DLC1: variants seen among roughly 807,000 people sequenced by gnomAD.
DLC1 encodes rho GTPase-activating protein 7.
DLC1 carries 54 observed loss-of-function variants against 140.3 expected under a neutral mutation model. The ratio of observed to expected loss-of-function variants is 0.38; its 90% CI spans 0.31 to 0.48. The LOEUF (loss-of-function observed/expected upper bound fraction) is 0.48, where lower values mean the gene tolerates loss of function less well. Among genes scored for constraint, DLC1 ranks in the 20% least tolerant of loss-of-function variants. The pLI is 0.96. For synonymous variants in DLC1, 986 were observed against 728.1 expected (o/e 1.35, Z -5.70); for missense variants, 2,536 against 1,907.0 (o/e 1.33, Z -6.14).
chr8:13,231,559 A>G (rs1029992277), intron 5 of DLC1, among the ~76,000 whole-genome samples: 2 of 152,240 alleles, frequency 1.3e-5, no homozygotes, highest in African/African-American at 2.4e-5. Flanking sequence ...ACAGACAAGC[A>G]AAGAGTTGAA....
At chr8:13,407,129 C>T (rs184803379) in intron 2 of DLC1, among the ~76,000 whole-genome samples, 35 of 152,270 alleles carry the variant, frequency 2.3e-4, no homozygotes, top group Non-Finnish European at 5.9e-5. Flanking sequence ...GATTTACTGT[C>T]AGAAACCTAA....
At chr8:13,162,181 A>G (rs1402373450) in intron 5 of DLC1, among the ~76,000 whole-genome samples, 1 of 152,226 alleles carries the variant, frequency 6.6e-6, no homozygotes, top group East Asian at 1.9e-4. Context: ...TAAGAGAAAC[A>G]TAAGAGGAGA....
chr8:13,317,374 C>G (rs930056037), intron 4 of DLC1, among the ~76,000 whole-genome samples: 1 of 152,118 alleles, frequency 6.6e-6, no homozygotes, highest in Non-Finnish European at 1.5e-5. Flanking sequence ...AAAGCATAGA[C>G]TTTATAGACA....
At chr8:13,373,012 T>C (rs1399662996) in intron 4 of DLC1, among the ~76,000 whole-genome samples, 1 of 152,016 alleles carries the variant, frequency 6.6e-6, no homozygotes, top group African/African-American at 2.4e-5. Flanking sequence ...CAAATTACAA[T>C]TTATTTTTAT....
intron 5 of DLC1, among the ~76,000 whole-genome samples, chr8:13,156,286 C>T (rs1011776848): frequency 1.3e-5 from 2 of 152,222 alleles, no homozygotes; most frequent in Admixed American, 6.5e-5. Context: ...AAATGTCATC[C>T]CGTAGGATCC....
intron 5 of DLC1, among the ~76,000 whole-genome samples, chr8:13,238,848 C>T (rs551590295): frequency 5.9e-5 from 9 of 152,204 alleles, no homozygotes; most frequent in Non-Finnish European, 1.2e-4. Flanking sequence ...CCAGGAGGGG[C>T]GTGGGCTTAC....
intron 4 of DLC1, among the ~76,000 whole-genome samples, chr8:13,384,623 C>T (rs913291566): frequency 4.7e-5 from 7 of 148,962 alleles, no homozygotes; most frequent in African/African-American, 1.2e-4. Context: ...AAAATAATGT[C>T]CAATGATCTA....
At chr8:13,441,656 C>T (rs577602316) in intron 2 of DLC1, among the ~76,000 whole-genome samples, 3,960 of 152,006 alleles carry the variant, frequency 0.026, 49 homozygotes, top group Middle Eastern at 0.044. Flanking sequence ...TTACAAGGGA[C>T]GTGAAGGACC....
chr8:13,233,605 G>C (rs577328956), intron 5 of DLC1, among the ~76,000 whole-genome samples: 1 of 152,238 alleles, frequency 6.6e-6, no homozygotes, highest in South Asian at 2.1e-4. Context: ...GTACTCCAGA[G>C]AAATTTCAAA....
At chr8:13,118,054 G>C (rs1820726379) in intron 5 of DLC1, among the ~76,000 whole-genome samples, 1 of 141,114 alleles carries the variant, frequency 7.1e-6, no homozygotes, top group South Asian at 2.2e-4. Context: ...CAGTCACCTA[G>C]GCTAAAGGGC....
intron 3 of DLC1, among the ~76,000 whole-genome samples, chr8:13,395,096 C>A (rs1302492025): frequency 2.0e-5 from 3 of 147,944 alleles, no homozygotes; most frequent in East Asian, 2.0e-4. Context: ...CCTTCCTATC[C>A]ATCTATGCAT....
intron 2 of DLC1, among the ~76,000 whole-genome samples, chr8:13,478,881 A>C (rs1800557197): frequency 6.6e-6 from 1 of 152,212 alleles, no homozygotes; most frequent in Non-Finnish European, 1.5e-5. Flanking sequence ...AAATAAGCAG[A>C]TGCTCCCACA....
At chr8:13,329,101 GC>G (rs1271980054) in intron 4 of DLC1, among the ~76,000 whole-genome samples, 1 of 152,128 alleles carries the variant, frequency 6.6e-6, no homozygotes, top group Non-Finnish European at 1.5e-5. Context: ...TATCACAGGA[GC>G]ATCAACTCAG....
At chr8:13,508,882 T>G (rs930941953) in intron 1 of DLC1, among the ~76,000 whole-genome samples, 1 of 152,220 alleles carries the variant, frequency 6.6e-6, no homozygotes, top group Non-Finnish European at 1.5e-5. Context: ...AATTCATTAA[T>G]GAATAATTAT....
At chr8:13,189,501 A>G (rs1255586789) in intron 5 of DLC1, among the ~76,000 whole-genome samples, 2 of 152,124 alleles carry the variant, frequency 1.3e-5, no homozygotes, top group Non-Finnish European at 2.9e-5. Context: ...TGTAGTGACA[A>G]TACTCAGGCC....
At chr8:13,462,295 C>T (rs1031962412) in intron 2 of DLC1, among the ~76,000 whole-genome samples, 8 of 152,044 alleles carry the variant, frequency 5.3e-5, no homozygotes, top group Non-Finnish European at 7.4e-5. Flanking sequence ...GCCATATGAC[C>T]CAAGGATGTC....
At chr8:13,128,536 GAAA>G (rs2128961024) in intron 5 of DLC1, among the ~76,000 whole-genome samples, 2 of 152,302 alleles carry the variant, frequency 1.3e-5, no homozygotes, top group East Asian at 3.9e-4. Flanking sequence ...GAGACACTAA[GAAA>G]ACATATGGGC....
chr8:13,286,051 G>A (rs1831525274), intron 5 of DLC1, among the ~76,000 whole-genome samples: 1 of 152,106 alleles, frequency 6.6e-6, no homozygotes, highest in Non-Finnish European at 1.5e-5. Context: ...AATAAATAAA[G>A]CACTTCTGTA....
chr8:13,365,911 C>T (rs1161414940), intron 4 of DLC1, among the ~76,000 whole-genome samples: 1 of 152,184 alleles, frequency 6.6e-6, no homozygotes, highest in Non-Finnish European at 1.5e-5. Context: ...TGAAGTCACT[C>T]ACAGCAGGCC....
Sources: allele counts gnomAD v4.1 joint callset (sites outside exome capture counted in the v4.1 genomes callset), GRCh38; gene constraint gnomAD v4.1.1; transcripts MANE v1.5; gene names NCBI Gene and HGNC (gene_info 2026-07-23, HGNC 2026-07-21).